MMP13: variants seen among roughly 807,000 people sequenced by gnomAD.
The protein encoded by MMP13 is collagenase 3.
Under a neutral mutation model 52.1 loss-of-function variants are expected in MMP13, and 45 were observed. The observed-to-expected ratio is 0.86, with a 90% CI of 0.68 to 1.11. MMP13 has a LOEUF of 1.11. Among genes scored for constraint, MMP13 ranks in the 50% least tolerant of loss-of-function variants. MMP13 has a pLI of 0.00. For missense variants in MMP13, 576 were observed against 583.8 expected (o/e 0.99, Z 0.14); for synonymous variants, 200 against 204.4 (o/e 0.98, Z 0.18).
At chr11:102,945,783 T>C (rs782645077) in intron 8 of MMP13, 34 bp from the exon 9 acceptor site, 35 of 1,107,750 alleles carry the variant, frequency 3.2e-5, no homozygotes, top group Middle Eastern at 2.2e-4. Flanking sequence ...AAGTCAGTTA[T>C]ATTTCTTAGA....
intron 5 of MMP13, 54 bp downstream of exon 5, chr11:102,951,958 T>C (rs1860618961): frequency 2.5e-6 from 4 of 1,570,516 alleles, no homozygotes; most frequent in Admixed American, 3.3e-5. Flanking sequence ...AATAAATGCA[T>C]GGGTTTCTTC....
chr11:102,954,068 T>C, intron 4 of MMP13, 88 bp downstream of exon 4: 1 of 1,437,198 alleles, frequency 7.0e-7, no homozygotes, highest in Non-Finnish European at 9.6e-7. Flanking sequence ...ACCAAATATA[T>C]TTAACTTTTA....
At chr11:102,946,344 A>T (rs1565253151) in intron 8 of MMP13, among the ~76,000 whole-genome samples, 1 of 152,222 alleles carries the variant, frequency 6.6e-6, no homozygotes, top group Non-Finnish European at 1.5e-5. Context: ...ACAGGCTCCC[A>T]TAAGGTGCCA....
chr11:102,944,737 A>C, intron 9 of MMP13, among the ~76,000 whole-genome samples: 1 of 141,624 alleles, frequency 7.1e-6, no homozygotes, highest in East Asian at 2.3e-4. Context: ...CCTCCTGACT[A>C]GCTGGGATTA....
chr11:102,951,147 G>T (rs3758855), intron 5 of MMP13, among the ~76,000 whole-genome samples: 2 of 152,000 alleles, frequency 1.3e-5, no homozygotes, highest in Admixed American at 1.3e-4. Flanking sequence ...TGAAAACTTG[G>T]GGGGGGAAGT....
At chr11:102,950,432 T>C (rs1265120862) in intron 5 of MMP13, among the ~76,000 whole-genome samples, 2 of 152,096 alleles carry the variant, frequency 1.3e-5, no homozygotes, top group African/African-American at 4.8e-5. Flanking sequence ...TCAAGACCTC[T>C]CGAGATTCTT....
chr11:102,945,681 A>G lies in MMP13; in HGVS notation c.1280T>C (p.Ile427Thr), dbSNP rs34546980. ...ATAGACAGCATCTACTTTATCACCA[A>G]TTCCTGGGAAGTCTTCTTCTATTAG... The part of the protein sequence containing the change: ...PRLIEEDFPG[I>T]GDKVDAVYEK... The change falls in exon 9 of 10, where the codon ATT becomes ACT. Residue 427 changes from isoleucine to threonine, a missense_variant. Physicochemically the swap from Ile to Thr is moderately conservative, Grantham distance 89. Coordinates refer to ENST00000260302, the MANE Select transcript of MMP13 (RefSeq NM_002427.4). The G allele has an allele frequency of 1.2e-5, 19 of 1,602,408 alleles. No individual in the cohort carries two copies. The highest frequency in any genetic ancestry group is 2.2e-5 in the East Asian group (1 of 44,744).
At position 102,949,188 on chromosome 11, in the gene MMP13, T is replaced by C. The variant is rs782252957; in HGVS notation, c.918-30A>G. On this transcript the variant is annotated intron_variant, in intron 6 of 9. Transcript: ENST00000260302. The surrounding 1 kb of genome is among the most constrained non-coding windows in gnomAD (Gnocchi z 4.2). Reference sequence around the variant, plus strand: ...CACAAAAGTAAAATGGAGTTTTCTGTCACATTTTTAAATGCAATATTTCTA... The same window carrying C: ...CACAAAAGTAAAATGGAGTTTTCTGCCACATTTTTAAATGCAATATTTCTA... 3 of 1,611,236 alleles carry C rather than the reference T, an allele frequency of 1.9e-6. No individual in the cohort carries two copies. The highest frequency in any genetic ancestry group is 8.5e-7 in the Non-Finnish European group (1 of 1,179,254).
chr11:102,949,090 T>A lies in MMP13; in HGVS notation c.986A>T (p.Glu329Val). 6.2e-7 allele frequency: 1 copy of A among 1,613,876 alleles called. No homozygotes were observed. Among genetic ancestry groups the A allele is most frequent in the Non-Finnish European group, 8.5e-7 (1 of 1,179,834 alleles). Reference protein sequence around the residue: ...ELFLTKSFWPELPNRIDAAYE... With the variant: ...ELFLTKSFWPVLPNRIDAAYE... ...TGCAGCATCAATACGGTTGGGAAGT[T>A]CTGGCCAAAATGATTTCGTTAAAAA... Residue 329 changes from glutamate to valine, a missense_variant, in exon 7 of 10, where the codon GAA (glutamate) becomes GTA (valine). Coordinates refer to ENST00000260302, the MANE Select transcript of MMP13 (RefSeq NM_002427.4). The surrounding 1 kb of genome is among the most constrained non-coding windows in gnomAD (Gnocchi z 4.2).
intron 9 of MMP13, 81 bp downstream of exon 9, chr11:102,945,565 T>C (rs782588148): frequency 1.1e-5 from 10 of 889,678 alleles, no homozygotes; most frequent in Non-Finnish European, 1.9e-5. Context: ...CTAGGTCCTA[T>C]ATAAAAATGC....
At chr11:102,946,209 T>TAGG (rs1555016647) in intron 8 of MMP13, among the ~76,000 whole-genome samples, 1 of 152,184 alleles carries the variant, frequency 6.6e-6, no homozygotes, top group African/African-American at 2.4e-5. Flanking sequence ...GGGCATATGG[T>TAGG]AATACTAAAG....
At chr11:102,947,195 G>A (rs1311293617) in intron 8 of MMP13, among the ~76,000 whole-genome samples, 1 of 152,196 alleles carries the variant, frequency 6.6e-6, no homozygotes, top group African/African-American at 2.4e-5. Flanking sequence ...CTGTACTCAT[G>A]CTGGTATCCT....
At position 102,955,196 on chromosome 11, in the gene MMP13, T is replaced by G. The variant is rs923802586; in HGVS notation, c.362+56A>C. 2 of 1,591,676 alleles carry G rather than the reference T, an allele frequency of 1.3e-6. No individual in the cohort carries two copies. The highest frequency in any genetic ancestry group is 1.7e-6 in the Non-Finnish European group (2 of 1,164,306). ...AATAAGGCCTACTTAATATTAGACATTTAATACTACAAGAAAAGGCTAACA... is the reference window on the plus strand; with the variant it reads ...AATAAGGCCTACTTAATATTAGACAGTTAATACTACAAGAAAAGGCTAACA... On this transcript the variant is annotated intron_variant, in intron 2 of 9. Transcript: ENST00000260302. The surrounding 1 kb of genome is among the most constrained non-coding windows in gnomAD (Gnocchi z 4.9).
In MMP13 at chr11:102,955,649, G is replaced by A; in HGVS notation, c.57C>T (p.Ala19=). 8 of 1,613,972 alleles carry A rather than the reference G, an allele frequency of 5.0e-6. No individual in the cohort carries two copies. Among genetic ancestry groups the A allele is most frequent in the Non-Finnish European group, 6.8e-6 (8 of 1,179,926 alleles). The stretch of plus-strand genomic sequence containing the variant: ...CATCACCACCACTGGGAAGGGGCAG[G>A]GCCCGACAATGAGTCCAGCTCAAGA... ...FLFLSWTHCR[A]LPLPSGGDED... Residue 19 remains alanine (A), a synonymous_variant, in exon 1 of 10, where the codon GCC becomes GCT. Transcript: ENST00000260302. This position sits in a 1 kb window ranked among gnomAD's most constrained non-coding sequence, Gnocchi z 4.9.
chr11:102,950,121 G>C lies in MMP13; in HGVS notation c.906C>G (p.Ile302Met). 1 of 1,608,578 alleles carries C rather than the reference G, an allele frequency of 6.2e-7. No homozygotes were observed. Among genetic ancestry groups the C allele is most frequent in the Non-Finnish European group, 8.5e-7 (1 of 1,174,948 alleles). The change falls in exon 6 of 10, where the codon ATC (isoleucine) becomes ATG (methionine). Residue 302 changes from isoleucine (I) to methionine (M), a missense_variant. Ile to Met is a conservative substitution (Grantham distance 10). Transcript: ENST00000260302. ...AITSLRGETMIFKDRFFWRLH... is the reference protein window; with the variant it reads ...AITSLRGETMMFKDRFFWRLH... ...AATCTCAAGAGTACCTGTCTTTAAA[G>C]ATCATTGTTTCTCCTCGGAGACTGG...
chr11:102,945,127 C>A, intron 9 of MMP13: 2 of 336,680 alleles, frequency 5.9e-6, no homozygotes, highest in Non-Finnish European at 1.2e-5. Flanking sequence ...ACCTGTAATC[C>A]CAGCTACTCC....
intron 8 of MMP13, 68 bp downstream of exon 8, chr11:102,947,823 G>A (rs1860537596): frequency 1.3e-6 from 2 of 1,497,222 alleles, no homozygotes; most frequent in Admixed American, 1.7e-5. Context: ...ATAATGTATA[G>A]TAGTGACAGA....
intron 7 of MMP13, among the ~76,000 whole-genome samples, chr11:102,948,550 T>C (rs1860554052): frequency 6.6e-6 from 1 of 152,102 alleles, no homozygotes; most frequent in Non-Finnish European, 1.5e-5. Context: ...AAGTAGCAAT[T>C]TGGAAATTGG....
In MMP13 at chr11:102,952,039, C is replaced by A. The variant is rs782584939; in HGVS notation, c.772G>T (p.Asp258Tyr). Residue 258 changes from aspartate (D) to tyrosine (Y), a missense_variant, in exon 5 of 10, where the codon GAT becomes TAT. Transcript: ENST00000260302. The surrounding 1 kb of genome is among the most constrained non-coding windows in gnomAD (Gnocchi z 4.3). The stretch of plus-strand genomic sequence containing the variant: ...TAGAGAGACTGGATCCCTTGTACAT[C>A]GTCATCAGGAAGCATAAAGTGGCTT... Reference protein sequence around the residue: ...GKSHFMLPDDDVQGIQSLYGP... With the variant: ...GKSHFMLPDDYVQGIQSLYGP... 1 of 1,613,268 alleles carries A rather than the reference C, an allele frequency of 6.2e-7. No homozygotes were observed.
Sources: gnomAD v4.1 joint callset for allele counts (sites outside exome capture counted in the v4.1 genomes callset) on GRCh38, gnomAD v4.1.1 for gene constraint, Gnocchi (gnomAD v3.1) non-coding constraint, MANE v1.5 for transcripts, NCBI Gene and HGNC (gene_info 2026-07-23, HGNC 2026-07-21) for gene names.